The following TPTE2 variants were observed in gnomAD, a reference collection of about 807,000 sequenced individuals.
TPTE2 encodes phosphatidylinositol 3,4,5-trisphosphate 3-phosphatase TPTE2.
Under a neutral mutation model 78.6 loss-of-function variants are expected in TPTE2, and 53 were observed. The observed-to-expected ratio is 0.67, with a 90% CI of 0.54 to 0.85. The LOEUF (loss-of-function observed/expected upper bound fraction) is 0.85. TPTE2 is among the 40% of genes least tolerant of loss of function. The probability of loss-of-function intolerance (pLI) is 0.00; values close to 1 mark genes in which losing one functional copy is unlikely to be tolerated. For synonymous variants in TPTE2, 175 were observed against 206.2 expected (o/e 0.85, Z 1.30); for missense variants, 461 against 623.0 (o/e 0.74, Z 2.77).
chr13:19,459,735 T>C (rs1293077354), intron 10 of TPTE2, among the ~76,000 whole-genome samples: 5 of 152,114 alleles, frequency 3.3e-5, no homozygotes, highest in African/African-American at 7.2e-5. Flanking sequence ...GAGGAATGGA[T>C]TGGGGTCCTG....
chr13:19,490,292 A>G (rs993335446), intron 3 of TPTE2, among the ~76,000 whole-genome samples: 59 of 152,224 alleles, frequency 3.9e-4, no homozygotes, highest in Non-Finnish European at 8.8e-5. Context: ...AAAAATGAAC[A>G]TAGCAAGACT....
chr13:19,528,257 G>A (rs539719062), intron 1 of TPTE2, among the ~76,000 whole-genome samples: 2 of 151,788 alleles, frequency 1.3e-5, no homozygotes, highest in Non-Finnish European at 2.9e-5. Context: ...CGTGGTGACA[G>A]ACACCTGTAA....
At chr13:19,481,881 G>A (rs1202514585) in intron 4 of TPTE2, among the ~76,000 whole-genome samples, 1 of 151,876 alleles carries the variant, frequency 6.6e-6, no homozygotes. Flanking sequence ...TATACAACTG[G>A]GCAAGAAAGA....
At chr13:19,430,429 C>T in intron 17 of TPTE2, 39 bp downstream of exon 20, 1 of 1,489,040 alleles carries the variant, frequency 6.7e-7, no homozygotes, top group Non-Finnish European at 9.3e-7. Context: ...AGCCTTAAAA[C>T]AAACATCAGA....
chr13:19,450,337 T>C (rs1878099251), exon 12 of TPTE2: 1 of 1,609,718 alleles, frequency 6.2e-7, no homozygotes, highest in Non-Finnish European at 8.5e-7. Flanking sequence ...GATCATAAGC[T>C]CTTTCACCTA....
In TPTE2 at chr13:19,526,578, T is replaced by TG. The variant is rs373870183; in HGVS notation, c.-44+10017dup. 6.9e-3 allele frequency among the ~76,000 whole-genome samples: 1,048 copies of TG among 152,246 alleles called. 4 individuals are homozygous for TG. Among genetic ancestry groups the TG allele is most frequent in the African/African-American group, 0.024 (1,000 of 41,522 alleles). ...TGGGGCCTACTTGAGGGTTGGAGGC[T>TG]GGAGGATGGTGAGTATCAAAAAGCT... On this transcript the variant is annotated intron_variant, in intron 1 of 17. Transcript: ENST00000390680.
intron 17 of TPTE2, among the ~76,000 whole-genome samples, chr13:19,429,068 T>G (rs550696606): frequency 6.6e-6 from 1 of 152,222 alleles, no homozygotes; most frequent in African/African-American, 2.4e-5. Context: ...CTTGGATGTG[T>G]TATTTATTTT....
chr13:19,478,998 G>A (rs1038059660), intron 4 of TPTE2, among the ~76,000 whole-genome samples: 11 of 152,168 alleles, frequency 7.2e-5, no homozygotes, highest in South Asian at 2.1e-4. Flanking sequence ...ATCACACACC[G>A]GGGCCTGTCA....
chr13:19,450,160 T>C lies in TPTE2; in HGVS notation c.889A>G (p.Met297Val), dbSNP rs764453510. ...TTTACTTCCTTGGTGAAAACCACCA[T>C]CTCACTGATTTCAAGTTTAAGATTT... Residue 297 changes from methionine to valine, a missense_variant, in exon 13 of 20, where the codon ATG becomes GTG. Coordinates refer to ENST00000400230, the Ensembl canonical transcript of TPTE2. 10 of 1,611,032 alleles carry C rather than the reference T, an allele frequency of 6.2e-6. No individual in the cohort carries two copies. In the East Asian group the frequency reaches 2.2e-4, roughly 36 times the overall value.
At chr13:19,517,473 A>G (rs535835458) in intron 1 of TPTE2, among the ~76,000 whole-genome samples, 1 of 152,250 alleles carries the variant, frequency 6.6e-6, no homozygotes, top group East Asian at 1.9e-4. Flanking sequence ...AATGTCAGTT[A>G]GTGGTCCTTC....
chr13:19,453,538 C>CATATATATACATATAT (rs1555249805), intron 10 of TPTE2, among the ~76,000 whole-genome samples: 1 of 140,174 alleles, frequency 7.1e-6, no homozygotes. Flanking sequence ...ATTTTATAAT[C>CATATATATACATATAT]ATATATATAT....
the TPTE2 span, among the ~76,000 whole-genome samples, chr13:19,548,243 C>T: frequency 6.6e-6 from 1 of 152,164 alleles, no homozygotes. Flanking sequence ...GTTGTTTCCA[C>T]TTCTATGTAT....
At chr13:19,423,096 T>G in exon 20 of TPTE2, 1 of 1,612,678 alleles carries the variant, frequency 6.2e-7, no homozygotes, top group Non-Finnish European at 8.5e-7. Context: ...CACAGCAAAT[T>G]CTGGTGGATA....
At chr13:19,547,642 A>G in the TPTE2 span, among the ~76,000 whole-genome samples, 6 of 150,090 alleles carry the variant, frequency 4.0e-5, no homozygotes, top group African/African-American at 1.5e-4. Flanking sequence ...GACATATAGA[A>G]CTATGAAATG....
At chr13:19,471,044 G>A (rs1465627311) in intron 6 of TPTE2, among the ~76,000 whole-genome samples, 4 of 151,870 alleles carry the variant, frequency 2.6e-5, no homozygotes, top group Admixed American at 2.6e-4. Context: ...TGAGTAGCTG[G>A]GACTACAGGT....
chr13:19,467,536 T>C (rs1879343976), intron 6 of TPTE2, among the ~76,000 whole-genome samples, 192 bp from the exon 10 acceptor site: 1 of 152,170 alleles, frequency 6.6e-6, no homozygotes, highest in South Asian at 2.1e-4. Context: ...AATAAAATTA[T>C]ATTCATCATT....
At chr13:19,533,469 TAAC>T (rs1364783489) in intron 1 of TPTE2, among the ~76,000 whole-genome samples, 2 of 152,258 alleles carry the variant, frequency 1.3e-5, no homozygotes, top group African/African-American at 4.8e-5. Flanking sequence ...AAGGTTATGT[TAAC>T]TAAATCTGAA....
rs1239442951 is a variant in TPTE2, at chr13:19,486,695, C to T, written c.120-4148G>A. Among the ~76,000 whole-genome samples, 3 of 152,184 alleles carry T rather than the reference C, an allele frequency of 2.0e-5. No individual in the cohort carries two copies. The highest frequency in any genetic ancestry group is 4.4e-5 in the Non-Finnish European group (3 of 68,028). On this transcript the variant is annotated intron_variant, in intron 3 of 19. Transcript: ENST00000400230. The surrounding 1 kb of genome is among the most constrained non-coding windows in gnomAD (Gnocchi z 4.3). The stretch of plus-strand genomic sequence containing the variant: ...GGAAACTCATGGGCCAAATATACAG[C>T]TGCATAGCTCCTAAGCTGGACTGAA...
At chr13:19,497,949 G>T (rs1376568048) in intron 1 of TPTE2, among the ~76,000 whole-genome samples, 1 of 151,786 alleles carries the variant, frequency 6.6e-6, no homozygotes, top group Non-Finnish European at 1.5e-5. Flanking sequence ...ACAGAGAAGT[G>T]CTTAAAGGAG....
Sources: allele counts gnomAD v4.1 joint callset (sites outside exome capture counted in the v4.1 genomes callset), GRCh38; gene constraint gnomAD v4.1.1; non-coding constraint Gnocchi (gnomAD v3.1); transcripts MANE v1.5; gene names NCBI Gene and HGNC (gene_info 2026-07-23, HGNC 2026-07-21).